The following APBA1 variants were observed in gnomAD, a reference collection of about 807,000 sequenced individuals.
APBA1 encodes the protein amyloid-beta A4 precursor protein-binding family A member 1.
A neutral mutation model predicts 86.6 loss-of-function variants in APBA1; 55 were observed. That is an observed-to-expected ratio of 0.64 (90% confidence interval 0.51 to 0.80). The LOEUF is 0.80. APBA1 is among the 30% of genes least tolerant of loss of function. APBA1 has a pLI of 0.00. For synonymous variants in APBA1, 511 were observed against 493.9 expected (o/e 1.03, Z -0.46); for missense variants, 1,090 against 1,183.0 (o/e 0.92, Z 1.15).
intron 2 of APBA1, among the ~76,000 whole-genome samples, chr9:69,510,290 G>C (rs1410479743): frequency 1.3e-5 from 2 of 151,874 alleles, no homozygotes; most frequent in Admixed American, 6.6e-5. Flanking sequence ...GACAAACAGA[G>C]AGCCAAATCA....
chr9:69,520,815 G>C (rs1446675046), intron 1 of APBA1, among the ~76,000 whole-genome samples: 2 of 152,046 alleles, frequency 1.3e-5, no homozygotes, highest in Admixed American at 6.5e-5. Context: ...ATAACTCTTG[G>C]ATCAGTCTTG....
chr9:69,536,366 G>A (rs1836510167), intron 1 of APBA1, among the ~76,000 whole-genome samples: 1 of 151,922 alleles, frequency 6.6e-6, no homozygotes. Context: ...TTATTTGCTT[G>A]AGAGGATTAA....
chr9:69,498,572 G>A (rs1835835321), intron 2 of APBA1, among the ~76,000 whole-genome samples: 1 of 152,138 alleles, frequency 6.6e-6, no homozygotes, highest in South Asian at 2.1e-4. Context: ...CAAAGGACTA[G>A]CTTAGATTGT....
intron 2 of APBA1, among the ~76,000 whole-genome samples, chr9:69,485,689 C>G (rs2133852049): frequency 6.6e-6 from 1 of 152,182 alleles, no homozygotes; most frequent in African/African-American, 2.4e-5. Context: ...GATGACTCAC[C>G]AACAACTCCC....
intron 5 of APBA1, chr9:69,465,505 G>A (rs1168599796): frequency 6.6e-6 from 1 of 152,230 alleles, no homozygotes; most frequent in African/African-American, 2.4e-5. Flanking sequence ...TGAATGCTGT[G>A]CCTGGAAGAC....
At position 69,492,112 on chromosome 9, in the gene APBA1, T is replaced by C. The variant is rs187931025; in HGVS notation, c.1201-15969A>G. ...TTATATTGTGGCCTAACAAGGTAACTTATGTTTCAGGATAGGGAGGTTATT... is the reference window on the plus strand; with the variant it reads ...TTATATTGTGGCCTAACAAGGTAACCTATGTTTCAGGATAGGGAGGTTATT... On this transcript the variant is annotated intron_variant, in intron 2 of 12. Transcript: ENST00000265381. Among the ~76,000 whole-genome samples the C allele has an allele frequency of 9.9e-5, 15 of 152,222 alleles. No individual in the cohort carries two copies. The East Asian group carries it at 2.3e-3, about 24-fold the overall frequency.
chr9:69,650,593 C>T (rs1823480249), intron 1 of APBA1, among the ~76,000 whole-genome samples: 1 of 152,130 alleles, frequency 6.6e-6, no homozygotes, highest in African/African-American at 2.4e-5. Flanking sequence ...TGACAAAAAC[C>T]TTCCTCAAAT....
chr9:69,541,547 A>ATTTTTTTTTTT (rs11461593), intron 1 of APBA1, among the ~76,000 whole-genome samples: 2 of 142,102 alleles, frequency 1.4e-5, no homozygotes, highest in African/African-American at 2.6e-5. Context: ...TCTTTTTTGC[A>ATTTTTTTTTTT]TTTTTTTTTT....
intron 1 of APBA1, among the ~76,000 whole-genome samples, chr9:69,625,595 G>A (rs1233132927): frequency 6.6e-6 from 1 of 152,076 alleles, no homozygotes; most frequent in Non-Finnish European, 1.5e-5. Flanking sequence ...TAGGGTTCAA[G>A]CATTAATTAG....
intron 8 of APBA1, 106 bp downstream of exon 8, chr9:69,456,141 C>G: frequency 1.6e-6 from 2 of 1,229,300 alleles, no homozygotes; most frequent in Non-Finnish European, 2.4e-6. Flanking sequence ...ACACACAGTA[C>G]GTGCACAATA....
chr9:69,496,979 C>G (rs1217706322), intron 2 of APBA1, among the ~76,000 whole-genome samples: 2 of 152,008 alleles, frequency 1.3e-5, no homozygotes, highest in Non-Finnish European at 2.9e-5. Context: ...AAATGACCAG[C>G]ACACGTAAGA....
chr9:69,517,217 A>T lies in APBA1; in HGVS notation c.-7T>A. Reference sequence around the variant, plus strand: ...ACCCCTCCAAGTGGTTCATGGTGGGAGTCGGAACGGCTAGGAGAGAAGCTG... The same window carrying T: ...ACCCCTCCAAGTGGTTCATGGTGGGTGTCGGAACGGCTAGGAGAGAAGCTG... On this transcript the variant is annotated 5_prime_UTR_variant, in exon 2 of 13. Coordinates refer to ENST00000265381, the MANE Select transcript of APBA1 (RefSeq NM_001163.4). 2 of 1,472,544 alleles carry T rather than the reference A, an allele frequency of 1.4e-6. No homozygotes were observed. The highest frequency in any genetic ancestry group is 1.8e-6 in the Non-Finnish European group (2 of 1,111,314). The allele number at this position is 1,472,544 out of a possible 1,614,324, so 91.2% of individuals were successfully genotyped here.
At chr9:69,642,645 G>T (rs937010028) in intron 1 of APBA1, among the ~76,000 whole-genome samples, 5 of 152,120 alleles carry the variant, frequency 3.3e-5, no homozygotes, top group South Asian at 2.1e-4. Flanking sequence ...GAGAGAGAGA[G>T]ATAGAGAGAG....
intron 2 of APBA1, among the ~76,000 whole-genome samples, chr9:69,511,750 A>C (rs2133883411): frequency 6.6e-6 from 1 of 152,012 alleles, no homozygotes; most frequent in Admixed American, 6.5e-5. Flanking sequence ...GCCATAAAAA[A>C]TGATGAGTTC....
In APBA1 at chr9:69,441,097, G is replaced by T; in HGVS notation, c.2200C>A (p.Arg734=). ...SIIKGLKNQS[R]VKLNIVRCPP... is the part of the protein sequence containing the mutation. ...CATCTCACGATATTCAGCTTGACTC[G>T]GGACTGATTCTTTAAGCCCTTAAAC... The change falls in exon 11 of 13, where the codon CGA becomes AGA. Residue 734 remains arginine, a synonymous_variant. Transcript: ENST00000265381. The T allele has an allele frequency of 3.7e-6, 6 of 1,613,958 alleles. No individual in the cohort carries two copies. Among genetic ancestry groups the T allele is most frequent in the Non-Finnish European group, 5.1e-6 (6 of 1,180,012 alleles).
intron 1 of APBA1, among the ~76,000 whole-genome samples, chr9:69,534,838 T>C (rs1351944919): frequency 6.6e-6 from 1 of 152,242 alleles, no homozygotes; most frequent in Non-Finnish European, 1.5e-5. Flanking sequence ...CAATATCTAT[T>C]GACTTCCTAC....
At position 69,649,057 on chromosome 9, in the gene APBA1, A is replaced by T. The variant is rs546223907; in HGVS notation, c.-70+23096T>A. 2.2e-4 allele frequency among the ~76,000 whole-genome samples: 34 copies of T among 152,220 alleles called. No individual in the cohort carries two copies. The South Asian group carries it at 7.1e-3, about 32-fold the overall frequency. On this transcript the variant is annotated intron_variant, in intron 1 of 12. Transcript: ENST00000265381. ...ACCTCCCATATCCAACCTATCCCCA[A>T]GTCCTGATGACTTTACCTGCTGAAT...
At chr9:69,601,858 T>C (rs966951731) in intron 1 of APBA1, among the ~76,000 whole-genome samples, 1 of 152,190 alleles carries the variant, frequency 6.6e-6, no homozygotes, top group Admixed American at 6.5e-5. Context: ...TACTACATTT[T>C]CCCCTGTATT....
intron 1 of APBA1, among the ~76,000 whole-genome samples, chr9:69,548,963 G>A (rs1449032901): frequency 6.6e-6 from 1 of 152,214 alleles, no homozygotes; most frequent in African/African-American, 2.4e-5. Flanking sequence ...AAATGCCCGG[G>A]GTGGTGGGAA....
Sources: gnomAD v4.1 joint callset for allele counts (sites outside exome capture counted in the v4.1 genomes callset) on GRCh38, gnomAD v4.1.1 for gene constraint, MANE v1.5 for transcripts, NCBI Gene and HGNC (gene_info 2026-07-23, HGNC 2026-07-21) for gene names.